RNF214: variants seen among roughly 807,000 people sequenced by gnomAD.
The protein encoded by RNF214 is ring finger protein 214.
In RNF214, 25 loss-of-function variants were observed where a neutral mutation model predicts 75.9. The observed-to-expected ratio is 0.33, with a 90% CI of 0.24 to 0.46. The LOEUF (loss-of-function observed/expected upper bound fraction) is 0.46, where lower values mean the gene tolerates loss of function less well. Among genes scored for constraint, RNF214 ranks in the 20% least tolerant of loss-of-function variants. RNF214 has a pLI of 1.00. For synonymous variants in RNF214, 314 were observed against 308.8 expected, an observed-to-expected ratio of 1.02 and a Z score of -0.18; for missense variants, 725 against 857.5, an observed-to-expected ratio of 0.85 and a Z score of 1.93.
chr11:117,251,321 G>A (rs2033379271), intron 6 of RNF214, among the ~76,000 whole-genome samples: 1 of 118,690 alleles, frequency 8.4e-6, no homozygotes, highest in Admixed American at 8.2e-5. Context: ...TTCCCAGTAG[G>A]GGCGGCCGGG....
intron 1 of RNF214, among the ~76,000 whole-genome samples, chr11:117,233,459 C>G (rs2032793153): frequency 6.6e-6 from 1 of 152,166 alleles, no homozygotes; most frequent in South Asian, 2.1e-4. Flanking sequence ...AAAATAAAAG[C>G]AAGAATGCAA....
intron 4 of RNF214, among the ~76,000 whole-genome samples, chr11:117,243,771 G>T (rs535973650): frequency 6.6e-6 from 1 of 152,296 alleles, no homozygotes; most frequent in South Asian, 2.1e-4. Flanking sequence ...TGCCCAGGCT[G>T]GTCTTCAGCT....
intron 6 of RNF214, among the ~76,000 whole-genome samples, chr11:117,277,867 G>A (rs190777136): frequency 2.1e-3 from 317 of 152,040 alleles, no homozygotes; most frequent in African/African-American, 7.4e-3. Context: ...CCAGCTACTC[G>A]GGAGGCTGAG....
intron 14 of RNF214, 126 bp downstream of exon 14, chr11:117,283,336 G>C: frequency 1.5e-6 from 1 of 664,468 alleles, no homozygotes; most frequent in Non-Finnish European, 2.7e-6. Flanking sequence ...TACTGTGTTG[G>C]TGCTCATCAT....
chr11:117,276,575 A>G lies in RNF214; in HGVS notation c.960-3333A>G, dbSNP rs141253908. 2.6e-5 allele frequency among the ~76,000 whole-genome samples: 4 copies of G among 152,326 alleles called. No homozygotes were observed. The East Asian group carries it at 7.7e-4, about 29-fold the overall frequency. ...ATCATGCCAGTGTACTCCAGCCTGG[A>G]CAATACAGTGAAACCCTCTCTCTAA... is the stretch of plus-strand genomic sequence containing the variant. On this transcript the variant is annotated intron_variant, in intron 6 of 14. Transcript: ENST00000300650.
chr11:117,241,164 A>G lies in RNF214; in HGVS notation c.678+1304A>G, dbSNP rs188158762. On this transcript the variant is annotated intron_variant, in intron 4 of 14. Coordinates refer to ENST00000300650, the MANE Select transcript of RNF214 (RefSeq NM_207343.4). ...CACTGCACTCCAGCCTGGGTGACAG[A>G]GTGAGACTCTCTCAAAAACAAACAA... Among the ~76,000 whole-genome samples, 341 of 151,958 alleles carry G rather than the reference A, an allele frequency of 2.2e-3. 1 individual carries two copies. Among genetic ancestry groups the G allele is most frequent in the Non-Finnish European group, 3.6e-3 (242 of 67,942 alleles).
Position 117,281,395 on chromosome 11 carries a change from G to C in RNF214, c.1227G>C (p.Lys409Asn). 1 of 1,610,292 alleles carries C rather than the reference G, an allele frequency of 6.2e-7. No individual in the cohort carries two copies. Among genetic ancestry groups the C allele is most frequent in the Non-Finnish European group, 8.5e-7 (1 of 1,176,662 alleles). ...TRLNGVRIMKKNVRDQFNSHI... is the reference protein window; with the variant it reads ...TRLNGVRIMKNNVRDQFNSHI... ...TGAATGGAGTTCGGATAATGAAAAA[G>C]AATGTTCGTGTAAGTGTATCTATGA... The change falls in exon 9 of 15, where the codon AAG becomes AAC. Residue 409 changes from lysine (K) to asparagine (N), a missense_variant. Transcript: ENST00000300650.
intron 6 of RNF214, among the ~76,000 whole-genome samples, chr11:117,266,488 T>C (rs2033799056): frequency 6.6e-6 from 1 of 152,080 alleles, no homozygotes. Context: ...GCCTCCCAAG[T>C]AGCTAGGACC....
chr11:117,272,393 A>T (rs1187691554), intron 6 of RNF214, among the ~76,000 whole-genome samples: 1 of 152,204 alleles, frequency 6.6e-6, no homozygotes, highest in East Asian at 1.9e-4. Context: ...CAGTGAGAAC[A>T]CATGGCCACA....
At chr11:117,254,629 CTTT>C (rs1161323482) in intron 6 of RNF214, among the ~76,000 whole-genome samples, 1 of 144,834 alleles carries the variant, frequency 6.9e-6, no homozygotes, top group Non-Finnish European at 1.5e-5. Context: ...CGTTCTTCTT[CTTT>C]TTTTTTTTTG....
rs569769764 is a variant in RNF214, at chr11:117,258,344, G to A, written c.959+11396G>A. On this transcript the variant is annotated intron_variant, in intron 6 of 14. Transcript: ENST00000300650. ...GCCTCCCAAAGTGCTGGGATTTACA[G>A]GCGTGAGCCACCACGCCCAGCCCCG... Among the ~76,000 whole-genome samples the A allele has an allele frequency of 1.2e-4, 19 of 152,224 alleles. No homozygotes were observed. The South Asian group carries it at 3.7e-3, about 30-fold the overall frequency.
Position 117,281,981 on chromosome 11 carries a change from G to A in RNF214, c.1423G>A (p.Val475Ile). 1 of 1,614,068 alleles carries A rather than the reference G, an allele frequency of 6.2e-7. No individual in the cohort carries two copies. The highest frequency in any genetic ancestry group is 8.5e-7 in the Non-Finnish European group (1 of 1,180,022). The change falls in exon 11 of 15, where the codon GTT becomes ATT. Residue 475 changes from valine to isoleucine, a missense_variant. Val to Ile is a conservative substitution (Grantham distance 29). This residue lies in a region of RNF214 where 363 missense variants were observed against 513.0 expected (regional missense o/e 0.71). Coordinates refer to ENST00000300650, the MANE Select transcript of RNF214 (RefSeq NM_207343.4). ...FSIGQVTMPM[V>I]MPSADPRSLS... ...CATTGGGCAGGTCACAATGCCCATG[G>A]TTATGCCCAGTGCAGATCCCCGCTC...
intron 2 of RNF214, among the ~76,000 whole-genome samples, chr11:117,236,025 A>C (rs563572022): frequency 6.6e-6 from 1 of 151,648 alleles, no homozygotes; most frequent in Non-Finnish European, 1.5e-5. Context: ...CAGTGGTGCG[A>C]TCTTGGCTCA....
rs902728702 is a variant in RNF214 at position 117,275,620 on chromosome 11, T to C, written c.960-4288T>C. Among the ~76,000 whole-genome samples, 8 of 152,120 alleles carry C rather than the reference T, an allele frequency of 5.3e-5. No homozygotes were observed. In the East Asian group the frequency reaches 1.5e-3, roughly 29 times the overall value. The stretch of plus-strand genomic sequence containing the variant: ...AGACTGCTGTGAACACATATATGTA[T>C]ACAAACCAGAAAACCTAGATGAACT... On this transcript the variant is annotated intron_variant, in intron 6 of 14. Coordinates refer to ENST00000300650, the MANE Select transcript of RNF214 (RefSeq NM_207343.4).
intron 6 of RNF214, among the ~76,000 whole-genome samples, chr11:117,267,158 T>G (rs1465853496): frequency 6.6e-6 from 1 of 152,152 alleles, no homozygotes; most frequent in Non-Finnish European, 1.5e-5. Context: ...TTATCAGATA[T>G]GTATTTCACC....
rs2034165136 is a variant in RNF214 at position 117,283,214 on chromosome 11, G to T, written c.2046+4G>T. On this transcript the variant is annotated splice_donor_region_variant and intron_variant, in intron 14 of 14. Coordinates refer to ENST00000300650, the MANE Select transcript of RNF214 (RefSeq NM_207343.4). ...TACCCATGTATTGCACAAGGAGGTA[G>T]GTGTTACAGACCTTCCTCATTTTCT... The T allele has an allele frequency of 1.3e-6, 2 of 1,592,050 alleles. No individual in the cohort carries two copies. The highest frequency in any genetic ancestry group is 1.7e-4 in the Middle Eastern group (1 of 6,022).
At chr11:117,248,431 T>C (rs1193609166) in intron 6 of RNF214, among the ~76,000 whole-genome samples, 4 of 152,216 alleles carry the variant, frequency 2.6e-5, no homozygotes, top group Admixed American at 6.5e-5. Flanking sequence ...CTGTGAATAC[T>C]CGGTTGATTT....
At chr11:117,259,972 C>G (rs1028395967) in intron 6 of RNF214, among the ~76,000 whole-genome samples, 4 of 152,056 alleles carry the variant, frequency 2.6e-5, no homozygotes, top group South Asian at 2.1e-4. Context: ...TCTAAGTTAC[C>G]TTTGCCCACC....
intron 6 of RNF214, among the ~76,000 whole-genome samples, chr11:117,252,482 C>G (rs2033420412): frequency 6.6e-6 from 1 of 152,048 alleles, no homozygotes; most frequent in African/African-American, 2.4e-5. Flanking sequence ...ATTCTGCCTT[C>G]TTTGCAAAAT....
Sources: gnomAD v4.1 joint callset for allele counts (sites outside exome capture counted in the v4.1 genomes callset) on GRCh38, gnomAD v4.1.1 for gene constraint, gnomAD v4.1.1 regional missense constraint, MANE v1.5 for transcripts, NCBI Gene and HGNC (gene_info 2026-07-23, HGNC 2026-07-21) for gene names.